SPATA31E1: variants seen among roughly 807,000 people sequenced by gnomAD.
SPATA31E1 encodes the protein SPATA31 subfamily E member 1, also known as spermatogenesis-associated protein 31E1.
A neutral mutation model predicts 12.9 loss-of-function variants in SPATA31E1; 7 were observed. The ratio of observed to expected loss-of-function variants is 0.54; its 90% confidence interval spans 0.31 to 1.02. The LOEUF is 1.02. SPATA31E1 is among the 50% of genes least tolerant of loss of function. The probability of loss-of-function intolerance (pLI) is 0.05; values close to 1 mark genes in which losing one functional copy is unlikely to be tolerated. For missense variants in SPATA31E1, 1,961 were observed against 1,799.8 expected (o/e 1.09, Z -1.62); for synonymous variants, 771 against 719.0 (o/e 1.07, Z -1.16).
rs375726449 is a variant in SPATA31E1, at chr9:87,887,266, C to A, written c.2779C>A (p.Gln927Lys). ...SGPLAAPPPE[Q>K]EGVQRPPRGS... ...CCCTCTCGCTGCCCCACCGCCTGAG[C>A]AGGAGGGAGTCCAGAGGCCCCCGAG... The change falls in exon 4 of 4, where the codon CAG becomes AAG. Residue 927 changes from glutamine (Q) to lysine (K), a missense_variant. Transcript: ENST00000325643. 3.7e-5 allele frequency: 60 copies of A among 1,613,842 alleles called. No homozygotes were observed. The highest frequency in any genetic ancestry group is 3.3e-4 in the Middle Eastern group (2 of 6,084).
rs1283619330 is a variant in SPATA31E1 at position 87,888,206 on chromosome 9, G to C, written c.3719G>C (p.Gly1240Ala). 5 of 1,613,818 alleles carry C rather than the reference G, an allele frequency of 3.1e-6. No homozygotes were observed. Among genetic ancestry groups the C allele is most frequent in the Admixed American group, 1.7e-5 (1 of 60,010 alleles). Reference sequence around the variant, plus strand: ...CACCCTGCCCAAGCCAGGGAAATAGGAGACAAACAAGAAAGGAAATACAAC... The same window carrying C: ...CACCCTGCCCAAGCCAGGGAAATAGCAGACAAACAAGAAAGGAAATACAAC... ...RSHPAQAREI[G>A]DKQERKYNQL... The change falls in exon 4 of 4, where the codon GGA becomes GCA. Residue 1240 changes from glycine to alanine, a missense_variant. Physicochemically the swap from Gly to Ala is moderately conservative, Grantham distance 60 (BLOSUM62 0). Coordinates refer to ENST00000325643, the MANE Select transcript of SPATA31E1 (RefSeq NM_178828.5).
Position 87,888,855 on chromosome 9 carries a change from G to A in SPATA31E1, c.*30G>A, listed in dbSNP as rs764688043. Reference sequence around the variant, plus strand: ...GACCAGTCTTCTTGCATGTCTCCTGGGGGAGACAGGGGGTTCTACTCAAAT... The same window carrying A: ...GACCAGTCTTCTTGCATGTCTCCTGAGGGAGACAGGGGGTTCTACTCAAAT... On this transcript the variant is annotated 3_prime_UTR_variant, in exon 4 of 4. Transcript: ENST00000325643. 6.5e-7 allele frequency: 1 copy of A among 1,532,084 alleles called. No homozygotes were observed. The highest frequency in any genetic ancestry group is 8.8e-7 in the Non-Finnish European group (1 of 1,140,142). The allele number at this position is 1,532,084 out of a possible 1,614,324, so 94.9% of individuals were successfully genotyped here. A position where few individuals can be genotyped will look rare whatever the true frequency, so the allele number is the denominator to read the frequency against.
chr9:87,887,566 G>C lies in SPATA31E1; in HGVS notation c.3079G>C (p.Ala1027Pro). ...AGTGCTCAGCATAGGGTCCCAGTGG[G>C]CAAGGGCTGAAGATGCCCTGCAGGC... Reference protein sequence around the residue: ...LQVLSIGSQWARAEDALQALK... With the variant: ...LQVLSIGSQWPRAEDALQALK... Residue 1027 changes from alanine to proline, a missense_variant, in exon 4 of 4, where the codon GCA becomes CCA. Coordinates refer to ENST00000325643, the MANE Select transcript of SPATA31E1 (RefSeq NM_178828.5). 1.9e-6 allele frequency: 3 copies of C among 1,614,154 alleles called. No individual in the cohort carries two copies. The highest frequency in any genetic ancestry group is 2.5e-6 in the Non-Finnish European group (3 of 1,180,046).
Position 87,887,110 on chromosome 9 carries a change from T to A in SPATA31E1, c.2623T>A (p.Phe875Ile), listed in dbSNP as rs1179178455. ...AQAPPFPQST[F>I]TPWASWVSRV... is the part of the protein sequence containing the mutation. Reference sequence around the variant, plus strand: ...GGCCCCGCCCTTCCCACAATCCACCTTTACCCCCTGGGCCTCCTGGGTATC... The same window carrying A: ...GGCCCCGCCCTTCCCACAATCCACCATTACCCCCTGGGCCTCCTGGGTATC... The change falls in exon 4 of 4, where the codon TTT (phenylalanine) becomes ATT (isoleucine). Residue 875 changes from phenylalanine to isoleucine, a missense_variant. Coordinates refer to ENST00000325643, the MANE Select transcript of SPATA31E1 (RefSeq NM_178828.5). 1.2e-6 allele frequency: 2 copies of A among 1,614,012 alleles called. No individual in the cohort carries two copies. The highest frequency in any genetic ancestry group is 2.7e-5 in the African/African-American group (2 of 75,016).
chr9:87,887,182 C>T lies in SPATA31E1; in HGVS notation c.2695C>T (p.Pro899Ser), dbSNP rs773752461. ...PKVPIFLGKR[P>S]QNGPGDNRTT... The stretch of plus-strand genomic sequence containing the variant: ...GGTTCCCATTTTCCTGGGAAAACGT[C>T]CTCAGAATGGTCCAGGAGACAACAG... The change falls in exon 4 of 4, where the codon CCT becomes TCT. Residue 899 changes from proline (P) to serine (S), a missense_variant. Transcript: ENST00000325643. The T allele has an allele frequency of 2.0e-5, 32 of 1,614,102 alleles. No individual in the cohort carries two copies. The highest frequency in any genetic ancestry group is 2.6e-5 in the Non-Finnish European group (31 of 1,180,034).
In SPATA31E1 at chr9:87,887,126, C is replaced by T; in HGVS notation, c.2639C>T (p.Ser880Phe). The T allele has an allele frequency of 6.2e-7, 1 of 1,614,126 alleles. No individual in the cohort carries two copies. The change falls in exon 4 of 4, where the codon TCC becomes TTC. Residue 880 changes from serine (S) to phenylalanine (F), a missense_variant. By Grantham distance (155) the Ser-to-Phe change is radical (BLOSUM62 -2). Coordinates refer to ENST00000325643, the MANE Select transcript of SPATA31E1 (RefSeq NM_178828.5). The part of the protein sequence containing the change: ...FPQSTFTPWA[S>F]WVSRVESVPK... ...CAATCCACCTTTACCCCCTGGGCCT[C>T]CTGGGTATCTCGGGTTGAATCTGTA...
Position 87,888,395 on chromosome 9 carries a change from G to A in SPATA31E1, c.3908G>A (p.Gly1303Asp), listed in dbSNP as rs141404504. The A allele has an allele frequency of 1.1e-4, 175 of 1,614,052 alleles. No individual in the cohort carries two copies. The highest frequency in any genetic ancestry group is 1.3e-4 in the Non-Finnish European group (159 of 1,180,028). Residue 1303 changes from glycine to aspartate, a missense_variant, in exon 4 of 4, where the codon GGC becomes GAC. Transcript: ENST00000325643. ...GATGCTTTCCAGAGCTGGGGGTCTG[G>A]CCCACCAAGGCAGTTTATGGACTGC... Reference protein sequence around the residue: ...GADAFQSWGSGPPRQFMDCMA... With the variant: ...GADAFQSWGSDPPRQFMDCMA...
In SPATA31E1 at chr9:87,887,874, C is replaced by G. The variant is rs1828312287; in HGVS notation, c.3387C>G (p.Cys1129Trp). The G allele has an allele frequency of 1.9e-6, 3 of 1,613,786 alleles. No homozygotes were observed. The highest frequency in any genetic ancestry group is 2.5e-6 in the Non-Finnish European group (3 of 1,180,036). ...TCCAGGACGGCGCCACAGGCCTGTG[C>G]CTTCCAGGCCGCCACATGGACATGC... is the stretch of plus-strand genomic sequence containing the variant. Reference protein sequence around the residue: ...ILLQDGATGLCLPGRHMDMLT... With the variant: ...ILLQDGATGLWLPGRHMDMLT... Residue 1129 changes from cysteine (C) to tryptophan (W), a missense_variant, in exon 4 of 4, where the codon TGC (cysteine) becomes TGG (tryptophan). By Grantham distance (215) the Cys-to-Trp change is radical. Transcript: ENST00000325643.
rs1453558917 is a variant in SPATA31E1, at chr9:87,886,920, G to T, written c.2433G>T (p.Trp811Cys). 6.2e-7 allele frequency: 1 copy of T among 1,614,104 alleles called. No individual in the cohort carries two copies. Among genetic ancestry groups the T allele is most frequent in the Non-Finnish European group, 8.5e-7 (1 of 1,180,020 alleles). The change falls in exon 4 of 4, where the codon TGG becomes TGT. Residue 811 changes from tryptophan (W) to cysteine (C), a missense_variant. Transcript: ENST00000325643. ...GGAAACCTGGGAAGCTGGCATCCTG[G>T]AGGGGTGGGAAAGCCCACGTGAACA... is the stretch of plus-strand genomic sequence containing the variant. ...THRKPGKLAS[W>C]RGGKAHVNTS... is the part of the protein sequence containing the mutation.
At position 87,885,606 on chromosome 9, in the gene SPATA31E1, A is replaced by G. The variant is rs780574227; in HGVS notation, c.1119A>G (p.Ala373=). ...TGGAGACCCTCATCGCCAAGAGAGC[A>G]CTGATGAAGATGTGGCAGGAGAAAG... ...KLLETLIAKR[A]LMKMWQEKER... is the part of the protein sequence containing the mutation. The change falls in exon 4 of 4, where the codon GCA becomes GCG. Residue 373 remains alanine, a synonymous_variant. Coordinates refer to ENST00000325643, the MANE Select transcript of SPATA31E1 (RefSeq NM_178828.5). The G allele has an allele frequency of 6.2e-7, 1 of 1,613,980 alleles. No individual in the cohort carries two copies. Among genetic ancestry groups the G allele is most frequent in the East Asian group, 2.2e-5 (1 of 44,876 alleles).
In SPATA31E1 at chr9:87,886,514, T is replaced by A. The variant is rs757626411; in HGVS notation, c.2027T>A (p.Leu676Ter). 5 of 1,613,680 alleles carry A rather than the reference T, an allele frequency of 3.1e-6. No homozygotes were observed. Among genetic ancestry groups the A allele is most frequent in the Non-Finnish European group, 3.4e-6 (4 of 1,179,856 alleles). ...SQAEDTQQAL[L>*]PSQPSDFAGK... ...GCAGAAGACACGCAGCAGGCCCTCT[T>A]GCCCTCCCAGCCTTCTGACTTTGCA... Residue 676 changes from leucine (L) to a stop codon, truncating the protein, a stop_gained, in exon 4 of 4, where the codon TTG (leucine) becomes TAG (stop). Transcript: ENST00000325643. LOFTEE classifies it low-confidence loss of function (END_TRUNC).
rs936512441 is a variant in SPATA31E1, at chr9:87,887,439, C to T, written c.2952C>T (p.Pro984=). 1 of 1,613,862 alleles carries T rather than the reference C, an allele frequency of 6.2e-7. No individual in the cohort carries two copies. Among genetic ancestry groups the T allele is most frequent in the Admixed American group, 1.7e-5 (1 of 60,028 alleles). ...TCCTGGAATCCGGGAAACCCAAACC[C>T]AGACTAGAGGGGAGTATGGGTTCAG... ...RTVLESGKPK[P]RLEGSMGSEM... The change falls in exon 4 of 4, where the codon CCC becomes CCT. Residue 984 remains proline, a synonymous_variant. Coordinates refer to ENST00000325643, the MANE Select transcript of SPATA31E1 (RefSeq NM_178828.5).
At position 87,885,446 on chromosome 9, in the gene SPATA31E1, C is replaced by T. The variant is rs758612357; in HGVS notation, c.959C>T (p.Thr320Ile). 2.7e-5 allele frequency: 43 copies of T among 1,613,952 alleles called. No homozygotes were observed. The highest frequency in any genetic ancestry group is 1.5e-5 in the Non-Finnish European group (18 of 1,179,998). The change falls in exon 4 of 4, where the codon ACC (threonine) becomes ATC (isoleucine). Residue 320 changes from threonine to isoleucine, a missense_variant. Physicochemically the swap from Thr to Ile is moderately conservative, Grantham distance 89. Coordinates refer to ENST00000325643, the MANE Select transcript of SPATA31E1 (RefSeq NM_178828.5). ...GCTGCCACCACCTGGGGCCTCTCCACCTACTCACATGGCAAATCCCAGCCA... is the reference window on the plus strand; with the variant it reads ...GCTGCCACCACCTGGGGCCTCTCCATCTACTCACATGGCAAATCCCAGCCA... ...REAATTWGLS[T>I]YSHGKSQPRH...
At position 87,884,968 on chromosome 9, in the gene SPATA31E1, C is replaced by A. The variant is rs754746565; in HGVS notation, c.481C>A (p.Pro161Thr). ...CTCCCACCTGCCCTTAGGTGGAGAC[C>A]CCCTGGGGGACGTGTGTAAACCAGT... The part of the protein sequence containing the change: ...GSSHLPLGGD[P>T]LGDVCKPVPA... The change falls in exon 4 of 4, where the codon CCC becomes ACC. Residue 161 changes from proline (P) to threonine (T), a missense_variant. Coordinates refer to ENST00000325643, the MANE Select transcript of SPATA31E1 (RefSeq NM_178828.5). The A allele has an allele frequency of 1.2e-6, 2 of 1,614,006 alleles. No individual in the cohort carries two copies. The highest frequency in any genetic ancestry group is 1.3e-5 in the African/African-American group (1 of 75,036).
chr9:87,887,702 C>T lies in SPATA31E1; in HGVS notation c.3215C>T (p.Thr1072Ile). ...EDLRSTGALG[T>I]TGNPSASSVC... ...CTGAGGAGCACAGGGGCTCTGGGGA[C>T]CACTGGTAACCCCTCAGCGTCTTCA... Residue 1072 changes from threonine to isoleucine, a missense_variant, in exon 4 of 4, where the codon ACC (threonine) becomes ATC (isoleucine). Physicochemically the swap from Thr to Ile is moderately conservative, Grantham distance 89. Coordinates refer to ENST00000325643, the MANE Select transcript of SPATA31E1 (RefSeq NM_178828.5). The T allele has an allele frequency of 6.2e-7, 1 of 1,614,114 alleles. No homozygotes were observed. Among genetic ancestry groups the T allele is most frequent in the South Asian group, 1.1e-5 (1 of 91,084 alleles).
Position 87,888,902 on chromosome 9 carries a change from A to C in SPATA31E1, c.*77A>C. 7.2e-7 allele frequency: 1 copy of C among 1,385,366 alleles called. No homozygotes were observed. Among genetic ancestry groups the C allele is most frequent in the Non-Finnish European group, 9.6e-7 (1 of 1,044,390 alleles). 85.8% of individuals were successfully genotyped at this position (1,385,366 alleles called of 1,614,324 possible). ...AAATAAAACTGATGCCTACACAATAAACCTGTCCTGCGTGGGTGATCACAG... is the reference window on the plus strand; with the variant it reads ...AAATAAAACTGATGCCTACACAATACACCTGTCCTGCGTGGGTGATCACAG... On this transcript the variant is annotated 3_prime_UTR_variant, in exon 4 of 4. Transcript: ENST00000325643.
rs557708519 is a variant in SPATA31E1, at chr9:87,884,627, G to C, written c.401G>C (p.Arg134Pro). The C allele has an allele frequency of 1.2e-6, 2 of 1,613,938 alleles. No individual in the cohort carries two copies. The highest frequency in any genetic ancestry group is 1.7e-6 in the Non-Finnish European group (2 of 1,179,996). The change falls in exon 3 of 4, where the codon CGG becomes CCG. Residue 134 changes from arginine (R) to proline (P), a missense_variant. Transcript: ENST00000325643. The part of the protein sequence containing the change: ...RILLRELEET[R>P]DLNYLLESHL... Reference sequence around the variant, plus strand: ...CTCCTGAGGGAGCTGGAGGAGACTCGGGACCTGAACTACCTTCTGGAAAGG... The same window carrying C: ...CTCCTGAGGGAGCTGGAGGAGACTCCGGACCTGAACTACCTTCTGGAAAGG...
At position 87,887,985 on chromosome 9, in the gene SPATA31E1, G is replaced by C; in HGVS notation, c.3498G>C (p.Gly1166=). Residue 1166 remains glycine, a synonymous_variant, in exon 4 of 4, where the codon GGG becomes GGC. Coordinates refer to ENST00000325643, the MANE Select transcript of SPATA31E1 (RefSeq NM_178828.5). ...GTAAGAACATGACAGCTTCCCAGGG[G>C]CCATGTGCCCTCCTATGGAAGGGAG... ...VSGKNMTASQ[G]PCALLWKGGD... 2 of 1,613,738 alleles carry C rather than the reference G, an allele frequency of 1.2e-6. No homozygotes were observed. The highest frequency in any genetic ancestry group is 1.7e-5 in the Admixed American group (1 of 60,028).
chr9:87,887,902 A>G lies in SPATA31E1; in HGVS notation c.3415A>G (p.Thr1139Ala), dbSNP rs775324733. The G allele has an allele frequency of 1.9e-6, 3 of 1,613,790 alleles. No individual in the cohort carries two copies. The East Asian group carries it at 6.7e-5, about 36-fold the overall frequency. The change falls in exon 4 of 4, where the codon ACT (threonine) becomes GCT (alanine). Residue 1139 changes from threonine to alanine, a missense_variant. Physicochemically the swap from Thr to Ala is moderately conservative, Grantham distance 58. Transcript: ENST00000325643. ...CLPGRHMDMLTAADRLPTQAP... is the reference protein window; with the variant it reads ...CLPGRHMDMLAAADRLPTQAP... ...TCCAGGCCGCCACATGGACATGCTC[A>G]CTGCCGCAGACAGGCTGCCCACTCA... is the stretch of plus-strand genomic sequence containing the variant.
Sources: gnomAD v4.1 joint callset for allele counts on GRCh38, gnomAD v4.1.1 for gene constraint, MANE v1.5 for transcripts, NCBI Gene and HGNC (gene_info 2026-07-23, HGNC 2026-07-21) for gene names.